PKIB: variants seen among roughly 807,000 people sequenced by gnomAD.
The protein encoded by PKIB is cAMP-dependent protein kinase inhibitor beta.
PKIB carries 2 observed loss-of-function variants against 4.5 expected under a neutral mutation model. The observed-to-expected ratio is 0.44, with a 90% CI of 0.18 to 1.39. The LOEUF is 1.39. Among genes scored for constraint, PKIB ranks in the 40% most tolerant of loss-of-function variants. The pLI, the probability that PKIB is intolerant of heterozygous loss-of-function variation, is 0.27. For synonymous variants in PKIB, 38 were observed against 36.0 expected, an observed-to-expected ratio of 1.06 and a Z score of -0.20; for missense variants, 94 against 92.6, an observed-to-expected ratio of 1.02 and a Z score of -0.06.
intron 3 of PKIB, among the ~76,000 whole-genome samples, chr6:122,604,724 C>T (rs1220520239): frequency 1.3e-5 from 2 of 152,186 alleles, no homozygotes; most frequent in Non-Finnish European, 2.9e-5. Context: ...ACTAATTTTA[C>T]TCAGATTACA....
chr6:122,552,641 G>A (rs945334241), intron 2 of PKIB, among the ~76,000 whole-genome samples: 1 of 152,082 alleles, frequency 6.6e-6, no homozygotes, highest in Non-Finnish European at 1.5e-5. Flanking sequence ...GCCTCCCAAA[G>A]TGCTGGGATT....
intron 2 of PKIB, among the ~76,000 whole-genome samples, chr6:122,585,246 T>G (rs1402634299): frequency 6.6e-6 from 1 of 152,164 alleles, no homozygotes; most frequent in African/African-American, 2.4e-5. Context: ...AGAACCCTCC[T>G]GGGCTAAGCC....
intron 2 of PKIB, among the ~76,000 whole-genome samples, chr6:122,506,081 T>A (rs953593490): frequency 1.3e-5 from 2 of 152,182 alleles, no homozygotes; most frequent in African/African-American, 2.4e-5. Flanking sequence ...CACTTTTTTT[T>A]AACATTTTTG....
intron 2 of PKIB, among the ~76,000 whole-genome samples, chr6:122,561,997 T>TTTG (rs1773038182): frequency 7.4e-6 from 1 of 135,414 alleles, no homozygotes; most frequent in African/African-American, 3.0e-5. Context: ...TGTTTTTGTT[T>TTTG]TTTTTTGTTT....
At chr6:122,684,560 T>A (rs11154105) in intron 3 of PKIB, among the ~76,000 whole-genome samples, 74,521 of 151,766 alleles carry the variant, frequency 0.49, 18,815 homozygotes, top group Non-Finnish European at 0.56. Flanking sequence ...TTGAAAAAAA[T>A]TATAGAAACC....
chr6:122,649,459 C>T (rs922426884), intron 2 of PKIB, among the ~76,000 whole-genome samples: 2 of 152,160 alleles, frequency 1.3e-5, no homozygotes, highest in African/African-American at 4.8e-5. Context: ...ATCTTGTTTC[C>T]TCAGTCAATT....
At chr6:122,702,399 G>A (rs565560442) in intron 3 of PKIB, among the ~76,000 whole-genome samples, 3 of 146,970 alleles carry the variant, frequency 2.0e-5, no homozygotes, top group Admixed American at 1.4e-4. Context: ...GCGTGACCTC[G>A]GCTCACTGCA....
rs561959707 is a variant in PKIB at position 122,569,828 on chromosome 6, A to G, written c.-247-16093A>G. The stretch of plus-strand genomic sequence containing the variant: ...CCCCGTGGAACAAAAGAATCTGAAC[A>G]GCAGTTCTTGAGTCCCAGATCTTTC... On this transcript the variant is annotated intron_variant, in intron 2 of 6. Transcript: ENST00000392491. Among the ~76,000 whole-genome samples the G allele has an allele frequency of 3.9e-5, 6 of 152,360 alleles. No individual in the cohort carries two copies. The South Asian group carries it at 1.0e-3, about 26-fold the overall frequency.
intron 2 of PKIB, among the ~76,000 whole-genome samples, chr6:122,544,479 G>A (rs1396620584): frequency 6.6e-6 from 1 of 152,022 alleles, no homozygotes; most frequent in East Asian, 1.9e-4. Flanking sequence ...AATAGCCAGT[G>A]TCTGAAGTAC....
At chr6:122,493,543 T>G (rs956411908) in intron 2 of PKIB, 10 of 152,268 alleles carry the variant, frequency 6.6e-5, no homozygotes, top group African/African-American at 1.9e-4. Context: ...ACAGATTTTA[T>G]TTTATTATGC....
At chr6:122,667,452 G>A (rs2114932967) in intron 2 of PKIB, among the ~76,000 whole-genome samples, 1 of 152,150 alleles carries the variant, frequency 6.6e-6, no homozygotes, top group South Asian at 2.1e-4. Flanking sequence ...CAGGAGGATG[G>A]CATGAACCCG....
chr6:122,626,591 C>T (rs1775454695), intron 1 of PKIB, among the ~76,000 whole-genome samples: 1 of 152,208 alleles, frequency 6.6e-6, no homozygotes, highest in African/African-American at 2.4e-5. Flanking sequence ...GGATGGCCCA[C>T]AGCCTTCCAG....
chr6:122,663,168 C>T (rs909244094), intron 2 of PKIB, among the ~76,000 whole-genome samples: 6 of 152,152 alleles, frequency 3.9e-5, no homozygotes, highest in African/African-American at 1.4e-4. Flanking sequence ...ACTAGAAACA[C>T]AAGCTATTCT....
At chr6:122,492,775 G>GT (rs11376307) in intron 2 of PKIB, among the ~76,000 whole-genome samples, 116,283 of 146,816 alleles carry the variant, frequency 0.79, 46,096 homozygotes, top group South Asian at 0.92. Context: ...AAGAGAAAGA[G>GT]TTTTTTTTTT....
intron 2 of PKIB, among the ~76,000 whole-genome samples, chr6:122,512,401 C>T (rs1407015496): frequency 2.6e-5 from 4 of 152,206 alleles, no homozygotes; most frequent in Middle Eastern, 3.4e-3. Context: ...ACTATACAGA[C>T]CAAATCTGGT....
chr6:122,625,434 G>A (rs1272530268), intron 1 of PKIB, among the ~76,000 whole-genome samples: 1 of 152,012 alleles, frequency 6.6e-6, no homozygotes, highest in Non-Finnish European at 1.5e-5. Context: ...TAAAAAATTT[G>A]CCCATGAATG....
chr6:122,721,428 T>C lies in PKIB; in HGVS notation c.169+3465T>C, dbSNP rs138901001. Among the ~76,000 whole-genome samples, 164 of 152,362 alleles carry C rather than the reference T, an allele frequency of 1.1e-3. 1 individual carries two copies. Among genetic ancestry groups the C allele is most frequent in the Non-Finnish European group, 2.1e-3 (140 of 68,034 alleles). On this transcript the variant is annotated intron_variant, in intron 4 of 4. Transcript: ENST00000368452. ...TACACTTCTCGGAATGTTTCCTTTT[T>C]AGACAAGGACTTCTCAGAGCCTTTG...
chr6:122,533,146 T>TTTTA (rs57942146), intron 2 of PKIB, among the ~76,000 whole-genome samples: 1,287 of 105,406 alleles, frequency 0.012, 8 homozygotes, highest in African/African-American at 0.027. Context: ...GCACAAAACT[T>TTTTA]TTTATTTATT....
chr6:122,590,669 A>T (rs1269311765), intron 3 of PKIB, among the ~76,000 whole-genome samples: 1 of 152,188 alleles, frequency 6.6e-6, no homozygotes, highest in Non-Finnish European at 1.5e-5. Flanking sequence ...CACCAAAGAT[A>T]TGAGAATTTT....
Sources: gnomAD v4.1 joint callset for allele counts (sites outside exome capture counted in the v4.1 genomes callset) on GRCh38, gnomAD v4.1.1 for gene constraint, MANE v1.5 for transcripts, NCBI Gene and HGNC (gene_info 2026-07-23, HGNC 2026-07-21) for gene names.